The following DOCK4 variants were observed in gnomAD, a reference collection of about 807,000 sequenced individuals.
DOCK4 encodes the protein dedicator of cytokinesis 4.
In DOCK4, 97 loss-of-function variants were observed where a neutral mutation model predicts 268.1. The observed-to-expected ratio is 0.36, with a 90% confidence interval of 0.31 to 0.43. DOCK4 has a LOEUF of 0.43. Among genes scored for constraint, DOCK4 ranks in the 20% least tolerant of loss-of-function variants. The pLI is 1.00. For synonymous variants in DOCK4, 954 were observed against 887.2 expected (o/e 1.08, Z -1.34); for missense variants, 2,145 against 2,455.7 (o/e 0.87, Z 2.67).
At chr7:112,028,609 T>G (rs1396986817) in intron 1 of DOCK4, among the ~76,000 whole-genome samples, 2 of 152,162 alleles carry the variant, frequency 1.3e-5, no homozygotes, top group African/African-American at 4.8e-5. Context: ...AAACTTTAAC[T>G]CCAAAGGAAA....
intron 32 of DOCK4, among the ~76,000 whole-genome samples, chr7:111,785,213 A>T (rs773801144): frequency 6.6e-6 from 1 of 152,144 alleles, no homozygotes; most frequent in Non-Finnish European, 1.5e-5. Flanking sequence ...ATCTGCCCTG[A>T]CCAGTCCTGC....
intron 26 of DOCK4, among the ~76,000 whole-genome samples, chr7:111,824,802 A>G (rs1033338355): frequency 1.1e-4 from 16 of 152,306 alleles, no homozygotes; most frequent in Admixed American, 4.6e-4. Flanking sequence ...TTTATCTCCC[A>G]CTATAAAAGG....
At chr7:112,164,862 C>A (rs546900407) in intron 1 of DOCK4, among the ~76,000 whole-genome samples, 1 of 152,294 alleles carries the variant, frequency 6.6e-6, no homozygotes, top group South Asian at 2.1e-4. Flanking sequence ...AGCTCCACTA[C>A]AGAGTACTGG....
intron 1 of DOCK4, among the ~76,000 whole-genome samples, chr7:112,066,993 C>A (rs539873855): frequency 0.033 from 4,880 of 149,306 alleles, 295 homozygotes; most frequent in African/African-American, 0.12. Flanking sequence ...CACACACACA[C>A]ACAAAAAAAC....
chr7:112,015,000 G>A (rs1453981358), intron 1 of DOCK4, among the ~76,000 whole-genome samples: 1 of 152,162 alleles, frequency 6.6e-6, no homozygotes, highest in Non-Finnish European at 1.5e-5. Context: ...CAGAGGCTGG[G>A]AAAAATAAGA....
chr7:111,814,544 A>G (rs761133624), intron 27 of DOCK4, among the ~76,000 whole-genome samples: 13 of 152,168 alleles, frequency 8.5e-5, no homozygotes, highest in Non-Finnish European at 1.3e-4. Context: ...TAAAGTGCAG[A>G]TGATCCAGCA....
chr7:111,863,342 G>C (rs1390471735), intron 23 of DOCK4, 30 bp downstream of exon 23: 1 of 1,613,148 alleles, frequency 6.2e-7, no homozygotes. Flanking sequence ...CTTTTCAGAG[G>C]CACAATTTCC....
intron 2 of DOCK4, among the ~76,000 whole-genome samples, chr7:112,001,768 T>C (rs1800444326): frequency 6.6e-6 from 1 of 152,234 alleles, no homozygotes; most frequent in African/African-American, 2.4e-5. Flanking sequence ...TTATCACATG[T>C]AAAGGAAAAA....
At chr7:111,751,732 G>A (rs1021907843) in intron 42 of DOCK4, among the ~76,000 whole-genome samples, 4 of 151,970 alleles carry the variant, frequency 2.6e-5, no homozygotes, top group Non-Finnish European at 4.4e-5. Flanking sequence ...GGTATGAGCC[G>A]CCATGCCTGG....
At position 111,822,391 on chromosome 7, in the gene DOCK4, G is replaced by C. The variant is rs764793670; in HGVS notation, c.2901C>G (p.Asp967Glu). ...ILIRPEMFPK[D>E]WTVMRLVANN... ...TAGCAACCAAGCGCATAACAGTCCA[G>C]TCCTTTGGAAACATCTCCGGGCGTA... Residue 967 changes from aspartate (D) to glutamate (E), a missense_variant, in exon 27 of 53, where the codon GAC (aspartate) becomes GAG (glutamate). Physicochemically the swap from Asp to Glu is conservative, Grantham distance 45. Transcript: ENST00000428084. 8 of 1,613,608 alleles carry C rather than the reference G, an allele frequency of 5.0e-6. 1 individual carries two copies. The South Asian group carries it at 7.7e-5, about 16-fold the overall frequency.
intron 8 of DOCK4, among the ~76,000 whole-genome samples, chr7:111,974,769 G>A (rs1798040906): frequency 6.6e-6 from 1 of 151,920 alleles, no homozygotes; most frequent in Non-Finnish European, 1.5e-5. Flanking sequence ...CCTGTACCCG[G>A]GTTATTATCT....
chr7:111,843,912 T>C (rs1371046530), intron 25 of DOCK4, among the ~76,000 whole-genome samples: 3 of 152,142 alleles, frequency 2.0e-5, no homozygotes, highest in Non-Finnish European at 4.4e-5. Context: ...ATATAAAACA[T>C]GTTTGTTAAA....
chr7:112,074,423 G>A (rs905044382), intron 1 of DOCK4, among the ~76,000 whole-genome samples: 4 of 152,120 alleles, frequency 2.6e-5, no homozygotes, highest in East Asian at 1.9e-4. Context: ...CTTCTGTGTC[G>A]GTTATTAAAC....
At chr7:111,817,305 T>TA (rs1424362933) in intron 27 of DOCK4, among the ~76,000 whole-genome samples, 10 of 152,142 alleles carry the variant, frequency 6.6e-5, no homozygotes, top group Non-Finnish European at 1.5e-5. Flanking sequence ...TACACTTAAT[T>TA]AAAAAAATCA....
chr7:112,124,735 T>C lies in DOCK4; in HGVS notation c.37+81367A>G, dbSNP rs532906112. Among the ~76,000 whole-genome samples the C allele has an allele frequency of 3.9e-5, 6 of 152,322 alleles. No individual in the cohort carries two copies. In the South Asian group the frequency reaches 1.2e-3, roughly 32 times the overall value. Reference sequence around the variant, plus strand: ...ACTGTCTAGCGCAGTGCCTGGCCCATAGTGTTTTAAGAAAACCACTTAGCT... The same window carrying C: ...ACTGTCTAGCGCAGTGCCTGGCCCACAGTGTTTTAAGAAAACCACTTAGCT... On this transcript the variant is annotated intron_variant, in intron 1 of 52. Coordinates refer to ENST00000428084, the MANE Select transcript of DOCK4 (RefSeq NM_001363540.2).
At chr7:112,170,070 AG>A (rs2116590738) in intron 1 of DOCK4, among the ~76,000 whole-genome samples, 1 of 151,860 alleles carries the variant, frequency 6.6e-6, no homozygotes, top group African/African-American at 2.4e-5. Flanking sequence ...AAGAGGAAAG[AG>A]GCTGCAAAAA....
intron 12 of DOCK4, among the ~76,000 whole-genome samples, chr7:111,931,409 C>A (rs1794187654): frequency 6.6e-6 from 1 of 152,146 alleles, no homozygotes; most frequent in African/African-American, 2.4e-5. Flanking sequence ...GGGTTTCACT[C>A]AGGATTCCAG....
At chr7:111,931,519 C>T (rs1794200020) in intron 12 of DOCK4, among the ~76,000 whole-genome samples, 1 of 152,128 alleles carries the variant, frequency 6.6e-6, no homozygotes, top group Non-Finnish European at 1.5e-5. Context: ...TGCTTCCCTT[C>T]CTTCCTGAAG....
intron 16 of DOCK4, among the ~76,000 whole-genome samples, chr7:111,887,390 A>T (rs1807933364): frequency 6.6e-6 from 1 of 152,196 alleles, no homozygotes; most frequent in South Asian, 2.1e-4. Flanking sequence ...TCTAGAGAGT[A>T]TAAGACACAG....
Sources: allele counts gnomAD v4.1 joint callset (sites outside exome capture counted in the v4.1 genomes callset), GRCh38; gene constraint gnomAD v4.1.1; transcripts MANE v1.5; gene names NCBI Gene and HGNC (gene_info 2026-07-23, HGNC 2026-07-21).